Variants in FUT8 observed in about 807,000 individuals in gnomAD.
FUT8 encodes the protein fucosyltransferase 8.
FUT8 carries 29 observed loss-of-function variants against 71.3 expected under a neutral mutation model. That is an observed-to-expected ratio of 0.41 (90% CI 0.30 to 0.55). The LOEUF (loss-of-function observed/expected upper bound fraction) is 0.55, where lower values mean the gene tolerates loss of function less well. Ranked by LOEUF, FUT8 falls within the 20% of genes least tolerant of loss-of-function variation. FUT8 has a pLI of 0.34. For missense variants in FUT8, 544 were observed against 702.1 expected, an observed-to-expected ratio of 0.77 and a Z score of 2.55; for synonymous variants, 254 against 239.3, an observed-to-expected ratio of 1.06 and a Z score of -0.57.
At chr14:65,687,406 A>G (rs1277185209) in intron 7 of FUT8, among the ~76,000 whole-genome samples, 4 of 152,174 alleles carry the variant, frequency 2.6e-5, no homozygotes, top group African/African-American at 7.2e-5. Context: ...ATTTAATTAC[A>G]TTTGTATCAT....
the FUT8 span, among the ~76,000 whole-genome samples, chr14:65,375,462 A>T: frequency 5.3e-5 from 8 of 152,172 alleles, no homozygotes; most frequent in Non-Finnish European, 8.8e-5. Context: ...CTACAAAAAA[A>T]GTTTTAAAAT....
At chr14:65,724,798 CTCT>C (rs756534112) in intron 9 of FUT8, among the ~76,000 whole-genome samples, 2 of 152,132 alleles carry the variant, frequency 1.3e-5, no homozygotes, top group Non-Finnish European at 2.9e-5. Flanking sequence ...CTCTTGTGAC[CTCT>C]TCTTTGTGTG....
At chr14:65,612,386 G>C (rs900497022) in intron 3 of FUT8, among the ~76,000 whole-genome samples, 17 of 152,212 alleles carry the variant, frequency 1.1e-4, no homozygotes, top group Non-Finnish European at 2.1e-4. Flanking sequence ...CATGAATTAC[G>C]GTTTTCTAGT....
At chr14:65,596,980 G>A (rs958718066) in intron 3 of FUT8, among the ~76,000 whole-genome samples, 1 of 152,144 alleles carries the variant, frequency 6.6e-6, no homozygotes, top group Non-Finnish European at 1.5e-5. Context: ...TTGTTTACCA[G>A]TAATCTGTGC....
chr14:65,638,787 T>A lies in FUT8; in HGVS notation c.597+9181T>A, dbSNP rs1414283158. Among the ~76,000 whole-genome samples, 1 of 152,202 alleles carries A rather than the reference T, an allele frequency of 6.6e-6. No individual in the cohort carries two copies. The highest frequency in any genetic ancestry group is 1.5e-5 in the Non-Finnish European group (1 of 68,028). On this transcript the variant is annotated intron_variant, in intron 6 of 10. Transcript: ENST00000673929. The surrounding 1 kb of genome is among the most constrained non-coding windows in gnomAD (Gnocchi z 4.5). Reference sequence around the variant, plus strand: ...CTTGTATACTGACTCTGAGATCAAATTAATCATCACATATTCTTAGAGTTG... The same window carrying A: ...CTTGTATACTGACTCTGAGATCAAAATAATCATCACATATTCTTAGAGTTG...
chr14:65,445,080 G>A (rs559552718), intron 1 of FUT8, among the ~76,000 whole-genome samples: 11 of 152,184 alleles, frequency 7.2e-5, no homozygotes, highest in South Asian at 2.1e-4. Context: ...GGTGGTGAGC[G>A]CTTGTAATCC....
chr14:65,522,444 T>C (rs1883145698), intron 2 of FUT8, among the ~76,000 whole-genome samples: 1 of 152,166 alleles, frequency 6.6e-6, no homozygotes. Context: ...TTCTTAAGGT[T>C]ATTTGTTAGT....
rs1359651541 is a variant in FUT8, at chr14:65,692,351, C to G, written c.835+22871C>G. On this transcript the variant is annotated intron_variant, in intron 7 of 10. Transcript: ENST00000673929. ...CTCCCAGACGGGGCGGCTGGCCGGGCGGGGGGCTGACCCCCCCACCTCCCT... is the reference window on the plus strand; with the variant it reads ...CTCCCAGACGGGGCGGCTGGCCGGGGGGGGGGCTGACCCCCCCACCTCCCT... Among the ~76,000 whole-genome samples the G allele has an allele frequency of 8.0e-5, 11 of 137,092 alleles. No homozygotes were observed. In the East Asian group the frequency reaches 2.4e-3, roughly 29 times the overall value. The allele number at this position is 137,092 out of a possible 152,430, so 89.9% of individuals were successfully genotyped here.
At chr14:65,526,330 G>C (rs957674820) in intron 2 of FUT8, among the ~76,000 whole-genome samples, 2 of 152,114 alleles carry the variant, frequency 1.3e-5, no homozygotes, top group African/African-American at 2.4e-5. Flanking sequence ...CCGTCTTTGT[G>C]TCTTTTGATC....
chr14:65,417,179 T>A (rs1384672831), intron 1 of FUT8, among the ~76,000 whole-genome samples: 1 of 152,190 alleles, frequency 6.6e-6, no homozygotes, highest in Non-Finnish European at 1.5e-5. Context: ...GGTCTTGAAC[T>A]CCTGACCTCA....
At chr14:65,524,059 C>T (rs1344035566) in intron 2 of FUT8, among the ~76,000 whole-genome samples, 1 of 152,112 alleles carries the variant, frequency 6.6e-6, no homozygotes, top group Non-Finnish European at 1.5e-5. Flanking sequence ...AATGCGGGCT[C>T]TTTTTTGGTT....
chr14:65,728,487 G>A (rs1271570076), intron 9 of FUT8, among the ~76,000 whole-genome samples: 1 of 152,082 alleles, frequency 6.6e-6, no homozygotes, highest in Non-Finnish European at 1.5e-5. Flanking sequence ...GAACAGCACG[G>A]GAAAGGTTTG....
At chr14:65,693,799 A>G (rs961155516) in intron 7 of FUT8, among the ~76,000 whole-genome samples, 6 of 152,338 alleles carry the variant, frequency 3.9e-5, no homozygotes, top group African/African-American at 1.4e-4. Context: ...AGTAGAATTC[A>G]CCAGTGAAAC....
At chr14:65,572,459 G>T (rs1380517052) in intron 3 of FUT8, among the ~76,000 whole-genome samples, 1 of 152,188 alleles carries the variant, frequency 6.6e-6, no homozygotes, top group Admixed American at 6.6e-5. Context: ...ACAACTGTGA[G>T]TGATGAATGT....
intron 6 of FUT8, among the ~76,000 whole-genome samples, chr14:65,668,613 A>G (rs1892327728): frequency 6.6e-6 from 1 of 152,178 alleles, no homozygotes; most frequent in Admixed American, 6.6e-5. Context: ...ACCATTGGAA[A>G]GTGGTTTGGC....
At chr14:65,518,617 T>A (rs1340800097) in intron 2 of FUT8, among the ~76,000 whole-genome samples, 1 of 152,152 alleles carries the variant, frequency 6.6e-6, no homozygotes, top group East Asian at 1.9e-4. Flanking sequence ...TCTCTCCTCC[T>A]GGGTTCAAGT....
chr14:65,448,896 T>A (rs1482979622), intron 1 of FUT8, among the ~76,000 whole-genome samples: 1 of 152,206 alleles, frequency 6.6e-6, no homozygotes, highest in East Asian at 1.9e-4. Flanking sequence ...TTATTTTTTA[T>A]TTTAGGTGAT....
At chr14:65,534,963 G>A (rs773247060) in intron 2 of FUT8, among the ~76,000 whole-genome samples, 1 of 151,152 alleles carries the variant, frequency 6.6e-6, no homozygotes, top group Non-Finnish European at 1.5e-5. Context: ...TGCTAGCTTT[G>A]GGATTGATTT....
intron 7 of FUT8, among the ~76,000 whole-genome samples, chr14:65,691,129 CA>C (rs915525762): frequency 2.0e-5 from 3 of 151,086 alleles, no homozygotes; most frequent in Non-Finnish European, 4.4e-5. Context: ...GGTGGAGGGG[CA>C]GGGGCAAGTT....
Sources: allele counts gnomAD v4.1 joint callset (sites outside exome capture counted in the v4.1 genomes callset), GRCh38; gene constraint gnomAD v4.1.1; non-coding constraint Gnocchi (gnomAD v3.1); transcripts MANE v1.5; gene names NCBI Gene and HGNC (gene_info 2026-07-23, HGNC 2026-07-21).